The following GRB10 variants were observed in gnomAD, a reference collection of about 807,000 sequenced individuals.
The protein encoded by GRB10 is growth factor receptor-bound protein 10.
A neutral mutation model predicts 80.9 loss-of-function variants in GRB10; 20 were observed. The ratio of observed to expected loss-of-function variants is 0.25; its 90% CI spans 0.17 to 0.36. The LOEUF is 0.36. Among genes scored for constraint, GRB10 ranks in the 10% least tolerant of loss-of-function variants. The pLI, the probability that GRB10 is intolerant of heterozygous loss-of-function variation, is 1.00. For missense variants in GRB10, 548 were observed against 747.7 expected (o/e 0.73, Z 3.12); for synonymous variants, 291 against 291.5 (o/e 1.00, Z 0.02).
intron 7 of GRB10, among the ~76,000 whole-genome samples, chr7:50,654,779 G>C (rs2058449272): frequency 6.6e-6 from 1 of 152,036 alleles, no homozygotes; most frequent in Admixed American, 6.5e-5. Flanking sequence ...TAGGAGAGTG[G>C]GTTGCAGACA....
chr7:50,620,443 C>T (rs986732660), intron 8 of GRB10, among the ~76,000 whole-genome samples: 7 of 149,132 alleles, frequency 4.7e-5, no homozygotes, highest in African/African-American at 1.2e-4. Context: ...CCGTCTACAA[C>T]GAACAACTGT....
chr7:50,609,081 A>C (rs2049033706), intron 13 of GRB10, among the ~76,000 whole-genome samples: 1 of 152,210 alleles, frequency 6.6e-6, no homozygotes, highest in South Asian at 2.1e-4. Context: ...TAAATCTAAA[A>C]AATTAAGAGA....
At chr7:50,605,269 T>TGGCCAG (rs1250578098) in intron 15 of GRB10, 21 bp downstream of exon 15, 2 of 1,581,514 alleles carry the variant, frequency 1.3e-6, no homozygotes. Context: ...CCCTCCAGGC[T>TGGCCAG]GGCCAGGGCC....
intron 2 of GRB10, among the ~76,000 whole-genome samples, chr7:50,757,601 G>C (rs1023599040): frequency 2.0e-5 from 3 of 152,232 alleles, no homozygotes; most frequent in African/African-American, 4.8e-5. Flanking sequence ...AAAGAATTTG[G>C]AAGTTTGGAA....
intron 2 of GRB10, among the ~76,000 whole-genome samples, chr7:50,773,258 G>A (rs1411731878): frequency 6.6e-6 from 1 of 151,656 alleles, no homozygotes. Flanking sequence ...GGAAATTATG[G>A]GAGCTACAAT....
chr7:50,775,774 A>G (rs1429091029), intron 2 of GRB10, among the ~76,000 whole-genome samples: 1 of 152,246 alleles, frequency 6.6e-6, no homozygotes, highest in Non-Finnish European at 1.5e-5. Context: ...TGCACTCTGC[A>G]TACTTGCAGA....
exon 1 of GRB10, chr7:50,793,451 C>G (rs1011668248): frequency 6.7e-6 from 1 of 148,192 alleles, no homozygotes; most frequent in Non-Finnish European, 1.5e-5. Context: ...TCTGCCTCCT[C>G]CCGACCTCCC....
At chr7:50,649,810 C>T (rs988563036) in intron 7 of GRB10, among the ~76,000 whole-genome samples, 1 of 152,192 alleles carries the variant, frequency 6.6e-6, no homozygotes, top group Admixed American at 6.5e-5. Flanking sequence ...ATATGCTCCT[C>T]TTCCTTGGCC....
chr7:50,708,654 G>C (rs1411296521), intron 4 of GRB10, among the ~76,000 whole-genome samples: 1 of 150,442 alleles, frequency 6.6e-6, no homozygotes, highest in Non-Finnish European at 1.5e-5. Context: ...GAAGGGAATG[G>C]GGGAGGCCCT....
intron 7 of GRB10, chr7:50,645,635 A>G (rs2057057400): frequency 6.1e-6 from 6 of 985,348 alleles, no homozygotes; most frequent in Non-Finnish European, 7.2e-6. Context: ...TCAGACTCCA[A>G]GAGGTCTCCA....
intron 12 of GRB10, among the ~76,000 whole-genome samples, chr7:50,613,651 C>T (rs76573181): frequency 0.015 from 2,267 of 152,290 alleles, 45 homozygotes; most frequent in African/African-American, 0.053. Flanking sequence ...GCAGAGACTG[C>T]GTTTGCAGAG....
intron 7 of GRB10, 75 bp downstream of exon 7, chr7:50,669,647 A>C: frequency 7.1e-7 from 1 of 1,408,598 alleles, no homozygotes; most frequent in Non-Finnish European, 1.0e-6. Context: ...CCAAAGTAAT[A>C]ATCTGGCACA....
intron 2 of GRB10, among the ~76,000 whole-genome samples, chr7:50,773,375 G>A (rs1037041736): frequency 5.0e-5 from 6 of 119,540 alleles, no homozygotes; most frequent in African/African-American, 1.2e-4. Flanking sequence ...AAGAGGAAGC[G>A]GAATGGGAAG....
At chr7:50,612,612 T>C (rs2049761278) in intron 13 of GRB10, 129 bp downstream of exon 13, 1 of 718,104 alleles carries the variant, frequency 1.4e-6, no homozygotes, top group South Asian at 1.5e-5. Flanking sequence ...CTACATTTGA[T>C]AAATAAAATA....
chr7:50,749,872 T>C (rs1362023709), intron 3 of GRB10, among the ~76,000 whole-genome samples: 1 of 152,262 alleles, frequency 6.6e-6, no homozygotes, highest in Non-Finnish European at 1.5e-5. Flanking sequence ...TAAATGTAGG[T>C]ATTCAAGCAC....
chr7:50,793,028 G>GCCCGGGGCGCCGGAGCC (rs1169956347), intron 1 of GRB10: 7 of 142,262 alleles, frequency 4.9e-5, no homozygotes, highest in Non-Finnish European at 9.3e-5. Flanking sequence ...CCCGCTGCGG[G>GCCCGGGGCGCCGGAGCC]CCCGGGGCGC....
At position 50,732,277 on chromosome 7, in the gene GRB10, A is replaced by G. The variant is rs199820945; in HGVS notation, c.46T>C (p.Tyr16His). 837 of 1,613,966 alleles carry G rather than the reference A, an allele frequency of 5.2e-4. 10 individuals carry two copies. The East Asian group carries it at 0.018, about 35-fold the overall frequency. The change falls in exon 4 of 19, where the codon TAC (tyrosine) becomes CAC (histidine). Residue 16 changes from tyrosine to histidine, a missense_variant. Physicochemically the swap from Tyr to His is moderately conservative, Grantham distance 83 (BLOSUM62 2). Transcript: ENST00000401949. ...CPDSFLHHPY[Y>H]QDKVEQTPRS... ...ATATATGTGCTCGCCCATACCTGGT[A>G]GTACGGATGGTGCAAAAAGGAATCT...
At chr7:50,684,379 A>T (rs191228511) in intron 5 of GRB10, among the ~76,000 whole-genome samples, 88 of 149,128 alleles carry the variant, frequency 5.9e-4, no homozygotes, top group African/African-American at 1.8e-3. Context: ...AATTATATTT[A>T]AAAAAAATAA....
In GRB10 at chr7:50,595,428, A is replaced by C; in HGVS notation, c.1638+9T>G. 7.1e-7 allele frequency: 1 copy of C among 1,409,526 alleles called. No individual in the cohort carries two copies. Among genetic ancestry groups the C allele is most frequent in the Admixed American group, 1.7e-5 (1 of 59,788 alleles). 87.3% of individuals were successfully genotyped at this position (1,409,526 alleles called of 1,614,324 possible). A position where few individuals can be genotyped will look rare whatever the true frequency, so the allele number is the denominator to read the frequency against. On this transcript the variant is annotated intron_variant, in intron 18 of 18. Transcript: ENST00000401949. ...CCACAAGGACTGGTCTGAGAACATC[A>C]ATACTTACAGGTAAGATCTGGAAAT...
Sources: allele counts gnomAD v4.1 joint callset (sites outside exome capture counted in the v4.1 genomes callset), GRCh38; gene constraint gnomAD v4.1.1; transcripts MANE v1.5; gene names NCBI Gene and HGNC (gene_info 2026-07-23, HGNC 2026-07-21).